The following NFATC2 variants were observed in gnomAD, a reference collection of about 807,000 sequenced individuals.
NFATC2 encodes nuclear factor of activated T-cells, cytoplasmic 2.
Under a neutral mutation model 87.3 loss-of-function variants are expected in NFATC2, and 22 were observed. That is an observed-to-expected ratio of 0.25 (90% confidence interval 0.18 to 0.36). The LOEUF (loss-of-function observed/expected upper bound fraction) is 0.36, where lower values mean the gene tolerates loss of function less well. Ranked by LOEUF, NFATC2 falls within the 10% of genes least tolerant of loss-of-function variation. The probability of loss-of-function intolerance (pLI) is 1.00; values close to 1 mark genes in which losing one functional copy is unlikely to be tolerated. For synonymous variants in NFATC2, 565 were observed against 542.2 expected, an observed-to-expected ratio of 1.04 and a Z score of -0.58; for missense variants, 1,149 against 1,259.1, an observed-to-expected ratio of 0.91 and a Z score of 1.32.
intron 1 of NFATC2, among the ~76,000 whole-genome samples, chr20:51,538,301 G>A (rs2076752711): frequency 6.6e-6 from 1 of 151,852 alleles, no homozygotes; most frequent in South Asian, 2.1e-4. Flanking sequence ...ACATTAATAG[G>A]TCTACGAAGA....
intron 9 of NFATC2, among the ~76,000 whole-genome samples, chr20:51,419,981 T>G (rs144593678): frequency 6.7e-6 from 1 of 150,360 alleles, no homozygotes; most frequent in East Asian, 2.0e-4. Flanking sequence ...AAAACACCAA[T>G]TATGCTTAAA....
intron 3 of NFATC2, among the ~76,000 whole-genome samples, chr20:51,477,490 A>AAT (rs773344899): frequency 2.3e-4 from 33 of 142,676 alleles, no homozygotes; most frequent in Non-Finnish European, 2.9e-4. Context: ...AAATATTTAA[A>AAT]ATATATATAT....
At chr20:51,561,307 T>G in intron 1 of NFATC2, among the ~76,000 whole-genome samples, 1 of 129,944 alleles carries the variant, frequency 7.7e-6, no homozygotes, top group African/African-American at 3.0e-5. Flanking sequence ...ACCCAAGGCA[T>G]TTGGCTTCAA....
intron 9 of NFATC2, among the ~76,000 whole-genome samples, chr20:51,412,957 G>A (rs907073011): frequency 1.0e-4 from 2 of 19,928 alleles, no homozygotes; most frequent in African/African-American, 2.1e-4. Flanking sequence ...CCCCACCCCC[G>A]CCCCACCGAC....
At chr20:51,416,946 G>C (rs1457502774) in intron 9 of NFATC2, among the ~76,000 whole-genome samples, 1 of 152,158 alleles carries the variant, frequency 6.6e-6, no homozygotes, top group African/African-American at 2.4e-5. Context: ...CCCAGGAGGA[G>C]GTCAGATCAG....
chr20:51,435,383 A>T, intron 7 of NFATC2, 69 bp from the exon 8 acceptor site: 1 of 1,602,380 alleles, frequency 6.2e-7, no homozygotes, highest in Non-Finnish European at 8.5e-7. Flanking sequence ...CCCTAAGCGC[A>T]TCCAGGCAGC....
At chr20:51,514,650 A>G (rs1280018890) in intron 3 of NFATC2, among the ~76,000 whole-genome samples, 1 of 152,162 alleles carries the variant, frequency 6.6e-6, no homozygotes, top group Non-Finnish European at 1.5e-5. Flanking sequence ...AGGTGGGTGG[A>G]TCACTTGAAA....
chr20:51,472,635 T>C (rs896146312), intron 5 of NFATC2, among the ~76,000 whole-genome samples: 1 of 140,382 alleles, frequency 7.1e-6, no homozygotes, highest in Admixed American at 7.0e-5. Flanking sequence ...TCTTCTTTTT[T>C]TTTTTTTTTT....
intron 3 of NFATC2, among the ~76,000 whole-genome samples, chr20:51,493,050 T>A (rs1437809233): frequency 6.6e-6 from 1 of 152,160 alleles, no homozygotes; most frequent in African/African-American, 2.4e-5. Flanking sequence ...ACTAGAACCA[T>A]CTGGGTCCCA....
intron 1 of NFATC2, among the ~76,000 whole-genome samples, chr20:51,561,855 C>T (rs1294417749): frequency 1.3e-5 from 2 of 152,032 alleles, no homozygotes; most frequent in African/African-American, 4.8e-5. Flanking sequence ...ATATCTTATG[C>T]TCCTTATAGT....
Position 51,463,258 on chromosome 20 carries a change from G to C in NFATC2, c.1709-8570C>G, listed in dbSNP as rs565645329. Among the ~76,000 whole-genome samples the C allele has an allele frequency of 2.3e-4, 35 of 152,342 alleles. No individual in the cohort carries two copies. The South Asian group carries it at 7.2e-3, about 32-fold the overall frequency. ...TGGAGGGGAACCAAAATCTCCCCTA[G>C]TGTGGGGCTCACCTCTTTGAGGGAA... On this transcript the variant is annotated intron_variant, in intron 5 of 10. Coordinates refer to ENST00000371564, the MANE Select transcript of NFATC2 (RefSeq NM_012340.5).
At chr20:51,403,415 C>T (rs1164323003) in intron 9 of NFATC2, among the ~76,000 whole-genome samples, 3 of 152,146 alleles carry the variant, frequency 2.0e-5, no homozygotes, top group Non-Finnish European at 4.4e-5. Context: ...CCAGGTGTTC[C>T]TAAAAGACAG....
rs144861070 is a variant in NFATC2, at chr20:51,550,180, T to A, written c.70+12380A>T. On this transcript the variant is annotated intron_variant, in intron 1 of 10. Transcript: ENST00000414705. ...GCAACATAGTAAGATCCTGTCTCTA[T>A]GAAAAATAAAAATACATTAGCCGGG... Among the ~76,000 whole-genome samples the A allele has an allele frequency of 4.3e-3, 655 of 151,946 alleles. 4 individuals carry two copies. The highest frequency in any genetic ancestry group is 0.015 in the African/African-American group (628 of 41,450).
Position 51,542,700 on chromosome 20 carries a change from G to C in NFATC2, c.-201C>G. ...GGGGAAGCTGAGCGGCGGCGGCGAC[G>C]GCGGCGCGAGCTTCCTGCTCCGGAG... On this transcript the variant is annotated 5_prime_UTR_variant, in exon 1 of 11. Transcript: ENST00000371564. 1 of 1,099,186 alleles carries C rather than the reference G, an allele frequency of 9.1e-7. No individual in the cohort carries two copies. The highest frequency in any genetic ancestry group is 1.1e-6 in the Non-Finnish European group (1 of 904,070). The allele number at this position is 1,099,186 out of a possible 1,614,324, so 68.1% of individuals were successfully genotyped here.
intron 9 of NFATC2, among the ~76,000 whole-genome samples, chr20:51,404,493 A>G (rs1988364701): frequency 6.6e-6 from 1 of 152,238 alleles, no homozygotes. Flanking sequence ...CTCGAGTCTC[A>G]GTTTTTCTCA....
intron 3 of NFATC2, among the ~76,000 whole-genome samples, chr20:51,478,539 C>T (rs151160549): frequency 2.0e-4 from 31 of 152,280 alleles, no homozygotes; most frequent in Admixed American, 6.5e-4. Flanking sequence ...CATTTCCATC[C>T]CCGCTCTTGT....
chr20:51,505,302 G>A (rs1242999216), intron 3 of NFATC2, among the ~76,000 whole-genome samples: 1 of 151,678 alleles, frequency 6.6e-6, no homozygotes, highest in Non-Finnish European at 1.5e-5. Context: ...TTACAGGCGT[G>A]AGCCACCACG....
intron 3 of NFATC2, among the ~76,000 whole-genome samples, chr20:51,476,724 G>A (rs1477306605): frequency 6.6e-6 from 1 of 152,120 alleles, no homozygotes; most frequent in Non-Finnish European, 1.5e-5. Context: ...TTTGATGAGT[G>A]AATTAATAAG....
At chr20:51,557,948 C>T (rs1230079212) in intron 1 of NFATC2, among the ~76,000 whole-genome samples, 1 of 152,166 alleles carries the variant, frequency 6.6e-6, no homozygotes, top group African/African-American at 2.4e-5. Context: ...TACCAGGATG[C>T]AAGCAGCACA....
Sources: allele counts gnomAD v4.1 joint callset (sites outside exome capture counted in the v4.1 genomes callset), GRCh38; gene constraint gnomAD v4.1.1; transcripts MANE v1.5; gene names NCBI Gene and HGNC (gene_info 2026-07-23, HGNC 2026-07-21).